The following NHSL2 variants were observed in gnomAD, a reference collection of about 807,000 sequenced individuals.
NHSL2 encodes NHS-like protein 2.
In NHSL2, 27 loss-of-function variants were observed where a neutral mutation model predicts 53.4. The ratio of observed to expected loss-of-function variants is 0.51; its 90% CI spans 0.37 to 0.70. The LOEUF (loss-of-function observed/expected upper bound fraction) is 0.70, where lower values mean the gene tolerates loss of function less well. NHSL2 is among the 30% of genes least tolerant of loss of function. The pLI, the probability that NHSL2 is intolerant of heterozygous loss-of-function variation, is 0.00. For missense variants in NHSL2, 892 were observed against 980.1 expected (o/e 0.91, Z 1.20); for synonymous variants, 408 against 404.1 (o/e 1.01, Z -0.12).
At chrX:72,051,216 A>G (rs1887770912) in intron 1 of NHSL2, among the ~76,000 whole-genome samples, 1 of 112,320 alleles carries the variant, frequency 8.9e-6, no homozygotes. Context: ...CAGATGAATA[A>G]TAAAATTGAT....
chrX:72,143,760 C>T lies in NHSL2; in HGVS notation c.*186C>T, dbSNP rs2042438853. On this transcript the variant is annotated 3_prime_UTR_variant, in exon 8 of 8. Transcript: ENST00000633930. ...AAATCATCTGGCACTTAATCATCTT[C>T]AGACATTTTTATGTTTTCATACTTA... is the stretch of plus-strand genomic sequence containing the variant. 1.9e-5 allele frequency: 7 copies of T among 377,522 alleles called. No individual in the cohort carries two copies. The highest frequency in any genetic ancestry group is 3.2e-5 in the Non-Finnish European group (7 of 217,048). The allele number at this position is 377,522 out of a possible 1,213,427, so 31.1% of individuals were successfully genotyped here.
chrX:72,099,197 G>A (rs966025202), intron 1 of NHSL2, among the ~76,000 whole-genome samples: 2 of 111,290 alleles, frequency 1.8e-5, no homozygotes, highest in Non-Finnish European at 3.8e-5. Context: ...AGCCACTTAT[G>A]GAATTTTGAA....
At position 71,928,530 on chromosome X, in the gene NHSL2, C is replaced by A. The variant is rs549559330; in HGVS notation, c.280+17163C>A. Among the ~76,000 whole-genome samples the A allele has an allele frequency of 3.5e-4, 39 of 112,012 alleles. No individual in the cohort carries two copies. The South Asian group carries it at 0.012, about 33-fold the overall frequency. The stretch of plus-strand genomic sequence containing the variant: ...ATCCTTGATGGACATACAGAGTGTG[C>A]CCTGGGCAAGGGGAGTTGCATGAGC... On this transcript the variant is annotated intron_variant, in intron 1 of 7. Coordinates refer to ENST00000633930, the MANE Select transcript of NHSL2 (RefSeq NM_001013627.3).
At position 72,037,784 on chromosome X, in the gene NHSL2, G is replaced by A. The variant is rs771775788; in HGVS notation, c.281-94295G>A. ...CTCTAGGTAAGGGATGAGAGATACCGTGTTGCAGGGCAGAGGGTGCCTCAC... is the reference window on the plus strand; with the variant it reads ...CTCTAGGTAAGGGATGAGAGATACCATGTTGCAGGGCAGAGGGTGCCTCAC... On this transcript the variant is annotated intron_variant, in intron 1 of 7. Coordinates refer to ENST00000633930, the MANE Select transcript of NHSL2 (RefSeq NM_001013627.3). 7.1e-4 allele frequency among the ~76,000 whole-genome samples: 80 copies of A among 111,958 alleles called. No homozygotes were observed. The East Asian group carries it at 0.011, about 16-fold the overall frequency.
intron 1 of NHSL2, among the ~76,000 whole-genome samples, chrX:72,056,210 G>A (rs2042368477): frequency 9.0e-6 from 1 of 111,619 alleles, no homozygotes; most frequent in African/African-American, 3.3e-5. Flanking sequence ...CCTTTGATGT[G>A]GCAATTCTAC....
intron 1 of NHSL2, among the ~76,000 whole-genome samples, chrX:72,086,801 A>T (rs1465470024): frequency 9.0e-6 from 1 of 111,270 alleles, no homozygotes. Context: ...CGTGTCAAAG[A>T]TTTATTTAAC....
At chrX:72,029,353 C>T (rs781490161) in intron 1 of NHSL2, among the ~76,000 whole-genome samples, 2 of 111,816 alleles carry the variant, frequency 1.8e-5, no homozygotes, top group Non-Finnish European at 3.8e-5. Flanking sequence ...TTGGCCTGCT[C>T]GGGGCTGCCA....
At chrX:72,028,521 G>T (rs1386651864) in intron 1 of NHSL2, among the ~76,000 whole-genome samples, 1 of 112,169 alleles carries the variant, frequency 8.9e-6, no homozygotes, top group African/African-American at 3.2e-5. Flanking sequence ...TATGGCAGCA[G>T]GTCCTTCCGC....
At chrX:72,104,118 A>G in intron 1 of NHSL2, among the ~76,000 whole-genome samples, 1 of 112,119 alleles carries the variant, frequency 8.9e-6, no homozygotes, top group Non-Finnish European at 1.9e-5. Context: ...TCACAGTGGC[A>G]TTAGCCTGTG....
intron 1 of NHSL2, among the ~76,000 whole-genome samples, chrX:71,974,638 C>T (rs2041940534): frequency 8.9e-6 from 1 of 111,875 alleles, no homozygotes; most frequent in Non-Finnish European, 1.9e-5. Flanking sequence ...CGCAAAATAG[C>T]CCCTCATCTG....
At chrX:72,064,615 T>G (rs1165645110) in intron 1 of NHSL2, among the ~76,000 whole-genome samples, 1 of 111,979 alleles carries the variant, frequency 8.9e-6, no homozygotes, top group African/African-American at 3.3e-5. Context: ...GTCCACCCAC[T>G]TTGACATCCC....
chrX:72,136,867 A>T (rs1173113907), intron 4 of NHSL2, among the ~76,000 whole-genome samples: 1 of 112,181 alleles, frequency 8.9e-6, no homozygotes, highest in Non-Finnish European at 1.9e-5. Context: ...CAGGGTTGAA[A>T]ACCACTGCCC....
chrX:72,144,704 GCACACACACACACACACACA>G lies in NHSL2; in HGVS notation c.*1153_*1172del, dbSNP rs55912050. The G allele has an allele frequency of 2.5e-5, 4 of 159,136 alleles. No homozygotes were observed. The highest frequency in any genetic ancestry group is 3.8e-5 in the Non-Finnish European group (3 of 79,610). 13.1% of individuals were successfully genotyped at this position (159,136 alleles called of 1,213,427 possible). A position where few individuals can be genotyped will look rare whatever the true frequency, so the allele number is the denominator to read the frequency against. On this transcript the variant is annotated 3_prime_UTR_variant, in exon 8 of 8. Transcript: ENST00000633930. ...CTTGCCAGTTGCTATGGCCCATAATGCACACACACACACACACACACACACACACACACACACACACAAAA... is the reference window on the plus strand; with the variant it reads ...CTTGCCAGTTGCTATGGCCCATAATGCACACACACACACACACACACAAAA...
chrX:72,043,423 T>C (rs1229490186), intron 1 of NHSL2, among the ~76,000 whole-genome samples: 1 of 111,451 alleles, frequency 9.0e-6, no homozygotes, highest in Non-Finnish European at 1.9e-5. Flanking sequence ...ATTGTTTTAA[T>C]CTTTGTACTA....
chrX:71,947,924 A>G (rs2041800749), intron 1 of NHSL2, among the ~76,000 whole-genome samples: 1 of 111,511 alleles, frequency 9.0e-6, no homozygotes, highest in South Asian at 3.8e-4. Context: ...GGGATAAAAG[A>G]CTACATACTG....
At chrX:72,123,875 C>T (rs772442826) in intron 1 of NHSL2, among the ~76,000 whole-genome samples, 1 of 111,287 alleles carries the variant, frequency 9.0e-6, no homozygotes, top group Non-Finnish European at 1.9e-5. Flanking sequence ...CCCCGCTCTA[C>T]CCCATGTGTG....
At position 72,144,809 on chromosome X, in the gene NHSL2, G is replaced by A; in HGVS notation, c.*1235G>A. 5.4e-6 allele frequency: 1 copy of A among 185,137 alleles called. No individual in the cohort carries two copies. Among genetic ancestry groups the A allele is most frequent in the Non-Finnish European group, 1.0e-5 (1 of 97,719 alleles). 15.3% of individuals were successfully genotyped at this position (185,137 alleles called of 1,213,427 possible). A position where few individuals can be genotyped will look rare whatever the true frequency, so the allele number is the denominator to read the frequency against. On this transcript the variant is annotated 3_prime_UTR_variant, in exon 8 of 8. Coordinates refer to ENST00000633930, the MANE Select transcript of NHSL2 (RefSeq NM_001013627.3). ...CCAGCTTTCAATTAACCTTGCTGGGGGAGAGCATAAGAACCTGGGTAAATG... is the reference window on the plus strand; with the variant it reads ...CCAGCTTTCAATTAACCTTGCTGGGAGAGAGCATAAGAACCTGGGTAAATG...
rs759783921 is a variant in NHSL2 at position 71,910,863 on chromosome X, G to A, written c.-225G>A. The A allele has an allele frequency of 2.2e-5, 5 of 224,750 alleles. No homozygotes were observed. The South Asian group carries it at 1.1e-3, about 50-fold the overall frequency. 18.5% of individuals were successfully genotyped at this position (224,750 alleles called of 1,213,427 possible). A position where few individuals can be genotyped will look rare whatever the true frequency, so the allele number is the denominator to read the frequency against. ...CAGAGTCAGAGGGACTGGTGGCTCC[G>A]GCGAGTGTGCAGCCCCGGGGGAGCC... On this transcript the variant is annotated 5_prime_UTR_variant, in exon 1 of 8. Coordinates refer to ENST00000633930, the MANE Select transcript of NHSL2 (RefSeq NM_001013627.3).
At chrX:71,977,677 T>C (rs1190186389) in intron 1 of NHSL2, among the ~76,000 whole-genome samples, 1 of 111,219 alleles carries the variant, frequency 9.0e-6, no homozygotes, top group Non-Finnish European at 1.9e-5. Flanking sequence ...CCTCCCAGAG[T>C]GCGAGGATTA....
Sources: allele counts gnomAD v4.1 joint callset (sites outside exome capture counted in the v4.1 genomes callset), GRCh38; gene constraint gnomAD v4.1.1; transcripts MANE v1.5; gene names NCBI Gene and HGNC (gene_info 2026-07-23, HGNC 2026-07-21).